The following PTPRD variants were observed in gnomAD, a reference collection of about 807,000 sequenced individuals.
The protein encoded by PTPRD is protein tyrosine phosphatase receptor type D.
In PTPRD, 34 loss-of-function variants were observed where a neutral mutation model predicts 214.5. That is an observed-to-expected ratio of 0.16 (90% CI 0.12 to 0.21). The LOEUF (loss-of-function observed/expected upper bound fraction) is 0.21, where lower values mean the gene tolerates loss of function less well. Among genes scored for constraint, PTPRD ranks in the 10% least tolerant of loss-of-function variants. The pLI is 1.00. For synonymous variants in PTPRD, 1,128 were observed against 845.7 expected, an observed-to-expected ratio of 1.33 and a Z score of -5.79; for missense variants, 2,545 against 2,398.7, an observed-to-expected ratio of 1.06 and a Z score of -1.27.
At chr9:10,607,988 C>A (rs2079926972) in intron 2 of PTPRD, among the ~76,000 whole-genome samples, 1 of 151,906 alleles carries the variant, frequency 6.6e-6, no homozygotes. Flanking sequence ...GATGGAAAAC[C>A]TCTCTGTGAA....
At chr9:10,460,262 C>T (rs1420265349) in intron 2 of PTPRD, among the ~76,000 whole-genome samples, 1 of 151,830 alleles carries the variant, frequency 6.6e-6, no homozygotes, top group Admixed American at 6.6e-5. Context: ...CTATTCCATG[C>T]TTATGGATCA....
In PTPRD at chr9:10,550,485, T is replaced by A. The variant is rs115986521; in HGVS notation, c.-600+61913A>T. On this transcript the variant is annotated intron_variant, in intron 2 of 45. Coordinates refer to ENST00000381196, the MANE Select transcript of PTPRD (RefSeq NM_002839.4). ...AATAAAGTGTGCTTCACTGAGCTGGTTGCTGATTTAGGCAAATGGAAATCA... is the reference window on the plus strand; with the variant it reads ...AATAAAGTGTGCTTCACTGAGCTGGATGCTGATTTAGGCAAATGGAAATCA... 8.1e-4 allele frequency among the ~76,000 whole-genome samples: 124 copies of A among 152,286 alleles called. 1 individual carries two copies. Among genetic ancestry groups the A allele is most frequent in the African/African-American group, 2.6e-3 (109 of 41,548 alleles).
At chr9:10,365,111 C>T (rs199856308) in intron 2 of PTPRD, among the ~76,000 whole-genome samples, 2 of 152,142 alleles carry the variant, frequency 1.3e-5, no homozygotes, top group African/African-American at 2.4e-5. Flanking sequence ...AGCTGAAGGA[C>T]TCATCATCTC....
At chr9:8,761,055 C>A (rs1386557794) in intron 11 of PTPRD, among the ~76,000 whole-genome samples, 1 of 152,080 alleles carries the variant, frequency 6.6e-6, no homozygotes, top group African/African-American at 2.4e-5. Flanking sequence ...CTTTTTACAT[C>A]TCATGTGTCA....
intron 5 of PTPRD, 32 bp downstream of exon 5, chr9:9,938,475 G>T (rs10816257): frequency 2.6e-5 from 4 of 151,872 alleles, no homozygotes; most frequent in Non-Finnish European, 5.9e-5. Flanking sequence ...TGTGTCATGG[G>T]AAACTAGCAT....
intron 2 of PTPRD, among the ~76,000 whole-genome samples, chr9:10,558,644 G>C (rs940912836): frequency 2.0e-5 from 3 of 152,104 alleles, no homozygotes; most frequent in African/African-American, 4.8e-5. Flanking sequence ...CTACCTACCA[G>C]ACTATTTGGT....
intron 14 of PTPRD, among the ~76,000 whole-genome samples, chr9:8,576,028 T>A (rs1040978423): frequency 2.6e-5 from 4 of 152,176 alleles, no homozygotes; most frequent in Admixed American, 2.6e-4. Flanking sequence ...AATCCCCACA[T>A]GTTGTAATGG....
intron 9 of PTPRD, among the ~76,000 whole-genome samples, chr9:9,265,708 A>G (rs1939142975): frequency 1.3e-5 from 2 of 151,450 alleles, no homozygotes; most frequent in South Asian, 4.1e-4. Flanking sequence ...GCAAGAATCT[A>G]TAGTATATAC....
intron 5 of PTPRD, 31 bp downstream of exon 5, chr9:9,938,476 A>T (rs1267876584): frequency 6.6e-6 from 1 of 152,142 alleles, no homozygotes; most frequent in East Asian, 1.9e-4. Context: ...GTGTCATGGG[A>T]AACTAGCATA....
intron 8 of PTPRD, among the ~76,000 whole-genome samples, chr9:9,546,706 T>C (rs143869713): frequency 3.4e-3 from 511 of 152,018 alleles, no homozygotes; most frequent in Middle Eastern, 0.014. Flanking sequence ...TACTAACTTA[T>C]TGAATGTTTA....
chr9:9,998,816 A>T (rs2096239001), intron 4 of PTPRD, among the ~76,000 whole-genome samples: 1 of 152,216 alleles, frequency 6.6e-6, no homozygotes, highest in African/African-American at 2.4e-5. Context: ...TAACATTTTT[A>T]CTGACTCCAA....
chr9:8,332,945 C>T (rs1223084081), intron 43 of PTPRD, among the ~76,000 whole-genome samples: 1 of 152,092 alleles, frequency 6.6e-6, no homozygotes, highest in Non-Finnish European at 1.5e-5. Flanking sequence ...TGTGCATGTT[C>T]CCAAGGTTCT....
At chr9:8,500,008 C>G (rs187846969) in intron 24 of PTPRD, among the ~76,000 whole-genome samples, 168 bp from the exon 25 acceptor site, 2 of 143,370 alleles carry the variant, frequency 1.4e-5, no homozygotes, top group East Asian at 4.1e-4. Flanking sequence ...CTTAACCAAT[C>G]TGCTCTACCT....
intron 2 of PTPRD, among the ~76,000 whole-genome samples, chr9:10,592,120 A>T (rs1591606120): frequency 6.6e-6 from 1 of 152,110 alleles, no homozygotes; most frequent in East Asian, 1.9e-4. Context: ...GAGTATTAAG[A>T]CTGAAGCAAG....
intron 2 of PTPRD, among the ~76,000 whole-genome samples, chr9:10,538,271 TA>T (rs988965805): frequency 1.4e-5 from 2 of 148,108 alleles, no homozygotes; most frequent in Admixed American, 1.3e-4. Flanking sequence ...AATAAATAAA[TA>T]AATAAATAAA....
intron 6 of PTPRD, among the ~76,000 whole-genome samples, chr9:9,760,631 CACACACACACACACACACACACAT>C (rs1480674384): frequency 2.7e-4 from 38 of 138,248 alleles, no homozygotes; most frequent in Non-Finnish European, 2.8e-4. Flanking sequence ...CACACACACA[CACACACACACACACACACACACAT>C]ATATATATAT....
intron 11 of PTPRD, chr9:8,962,167 G>C (rs1159986846): frequency 2.6e-5 from 4 of 152,080 alleles, no homozygotes; most frequent in Non-Finnish European, 4.4e-5. Flanking sequence ...TGGGAACAAA[G>C]ATATGAGACT....
At chr9:8,639,000 G>A (rs1204651504) in intron 12 of PTPRD, among the ~76,000 whole-genome samples, 3 of 152,002 alleles carry the variant, frequency 2.0e-5, no homozygotes, top group East Asian at 3.9e-4. Flanking sequence ...GTACCACCAC[G>A]CTCAGCTAAT....
In PTPRD at chr9:8,812,247, T is replaced by C. The variant is rs10977305; in HGVS notation, c.-103-78301A>G. Among the ~76,000 whole-genome samples the C allele has an allele frequency of 9.2e-5, 14 of 152,336 alleles. No homozygotes were observed. The East Asian group carries it at 2.5e-3, about 27-fold the overall frequency. On this transcript the variant is annotated intron_variant, in intron 11 of 45. Transcript: ENST00000381196. ...ACATTATTTCTAGCAATTATATATATGCACAGATAGATGTACATATATATT... is the reference window on the plus strand; with the variant it reads ...ACATTATTTCTAGCAATTATATATACGCACAGATAGATGTACATATATATT...
Sources: gnomAD v4.1 joint callset for allele counts (sites outside exome capture counted in the v4.1 genomes callset) on GRCh38, gnomAD v4.1.1 for gene constraint, MANE v1.5 for transcripts, NCBI Gene and HGNC (gene_info 2026-07-23, HGNC 2026-07-21) for gene names.